Variants in TULP4 observed in about 807,000 individuals in gnomAD.
The protein encoded by TULP4 is TUB like protein 4.
A neutral mutation model predicts 129.0 loss-of-function variants in TULP4; 16 were observed. The ratio of observed to expected loss-of-function variants is 0.12; its 90% CI spans 0.08 to 0.19. TULP4 has a LOEUF of 0.19. Among genes scored for constraint, TULP4 ranks in the 10% least tolerant of loss-of-function variants. TULP4 has a pLI of 1.00. For missense variants in TULP4, 1,842 were observed against 2,059.1 expected (o/e 0.89, Z 2.04); for synonymous variants, 998 against 854.0 (o/e 1.17, Z -2.94).
chr6:158,501,997 G>T lies in TULP4; in HGVS notation c.2334G>T (p.Pro778=). 6.2e-7 allele frequency: 1 copy of T among 1,606,040 alleles called. No homozygotes were observed. The highest frequency in any genetic ancestry group is 8.5e-7 in the Non-Finnish European group (1 of 1,177,534). The part of the protein sequence containing the change: ...QNPPPLSLPP[P]PQGPMQLSTV... ...CCCCTCCACTGTCCCTGCCTCCCCC[G>T]CCGCAGGGGCCCATGCAGCTGTCCA... is the stretch of plus-strand genomic sequence containing the variant. Residue 778 remains proline, a synonymous_variant, in exon 13 of 14, where the codon CCG becomes CCT. Transcript: ENST00000367097.
At chr6:158,377,709 A>G (rs1354667274) in intron 1 of TULP4, among the ~76,000 whole-genome samples, 1 of 152,180 alleles carries the variant, frequency 6.6e-6, no homozygotes, top group Admixed American at 6.5e-5. Context: ...GGAACAAGAC[A>G]TTTATTGAGG....
intron 1 of TULP4, among the ~76,000 whole-genome samples, chr6:158,366,144 C>G (rs2114856905): frequency 6.6e-6 from 1 of 152,130 alleles, no homozygotes; most frequent in Non-Finnish European, 1.5e-5. Context: ...ATGTCGTGAT[C>G]TGCCCACCTT....
chr6:158,279,669 C>T (rs1778713639), upstream of TULP4, among the ~76,000 whole-genome samples: 1 of 152,192 alleles, frequency 6.6e-6, no homozygotes, highest in South Asian at 2.1e-4. Flanking sequence ...CTCTCTCTCC[C>T]AGGCCAGCCA....
chr6:158,294,494 A>C (rs1283887366), intron 1 of TULP4, among the ~76,000 whole-genome samples: 1 of 152,130 alleles, frequency 6.6e-6, no homozygotes, highest in Non-Finnish European at 1.5e-5. Flanking sequence ...GGGTGTGGAG[A>C]GGAGGAAAAG....
intron 1 of TULP4, among the ~76,000 whole-genome samples, chr6:158,354,015 G>T (rs949597791): frequency 1.3e-5 from 2 of 152,184 alleles, no homozygotes; most frequent in African/African-American, 4.8e-5. Context: ...GAGCAATTTT[G>T]TTGACACAGG....
rs1388649023 is a variant in TULP4, at chr6:158,331,720, C to CGTATATATACGTGTATATAT, written c.252+17452_252+17453insGTATATATACGTGTATATAT. 3.5e-4 allele frequency among the ~76,000 whole-genome samples: 17 copies of CGTATATATACGTGTATATAT among 48,180 alleles called. 5 individuals carry two copies. Among genetic ancestry groups the CGTATATATACGTGTATATAT allele is most frequent in the African/African-American group, 1.1e-3 (17 of 15,012 alleles). 31.6% of individuals were successfully genotyped at this position (48,180 alleles called of 152,430 possible). A position where few individuals can be genotyped will look rare whatever the true frequency, so the allele number is the denominator to read the frequency against. On this transcript the variant is annotated intron_variant, in intron 1 of 13. Coordinates refer to ENST00000367097, the MANE Select transcript of TULP4 (RefSeq NM_020245.5). ...ACACACACACACACACACACACACA[C>CGTATATATACGTGTATATAT]ACACACACATACGTATATATATACG...
intron 1 of TULP4, among the ~76,000 whole-genome samples, chr6:158,365,180 C>G (rs1328379819): frequency 6.6e-6 from 1 of 151,960 alleles, no homozygotes; most frequent in African/African-American, 2.4e-5. Flanking sequence ...TCTGGAAATC[C>G]TACTAGATGT....
chr6:158,381,912 G>GT (rs1468700273), intron 1 of TULP4, among the ~76,000 whole-genome samples: 1 of 152,048 alleles, frequency 6.6e-6, no homozygotes, highest in African/African-American at 2.4e-5. Flanking sequence ...AGTTGTTATT[G>GT]TTTTTTTGTT....
chr6:158,305,251 G>A (rs1779197583), intron 1 of TULP4, among the ~76,000 whole-genome samples: 1 of 151,736 alleles, frequency 6.6e-6, no homozygotes, highest in Non-Finnish European at 1.5e-5. Flanking sequence ...AATGTCCTCA[G>A]AGTTCATCCG....
intron 2 of TULP4, among the ~76,000 whole-genome samples, chr6:158,421,916 C>T (rs936349030): frequency 6.6e-6 from 1 of 152,048 alleles, no homozygotes; most frequent in African/African-American, 2.4e-5. Flanking sequence ...GGAATTTGGG[C>T]AAGGTAAAAG....
At chr6:158,444,330 A>AT (rs1231262390) in intron 3 of TULP4, among the ~76,000 whole-genome samples, 1 of 120,314 alleles carries the variant, frequency 8.3e-6, no homozygotes, top group East Asian at 2.7e-4. Flanking sequence ...CATCATGGCT[A>AT]TTTTTTCATT....
intron 2 of TULP4, among the ~76,000 whole-genome samples, chr6:158,426,854 A>G (rs1206141458): frequency 2.0e-5 from 3 of 152,192 alleles, no homozygotes; most frequent in Admixed American, 6.5e-5. Flanking sequence ...ATCCGTGAGC[A>G]TGTAGTATGT....
chr6:158,366,105 A>G (rs827995), intron 1 of TULP4, among the ~76,000 whole-genome samples: 23,601 of 151,176 alleles, frequency 0.16, 2,316 homozygotes, highest in South Asian at 0.29. Flanking sequence ...GGGTTTCACC[A>G]TGTTAGCCAG....
intron 1 of TULP4, among the ~76,000 whole-genome samples, chr6:158,260,851 G>A (rs1477296039): frequency 2.0e-5 from 3 of 150,632 alleles, no homozygotes; most frequent in East Asian, 2.0e-4. Context: ...CAAGAGTTTC[G>A]CTCTTGTTGC....
intron 1 of TULP4, among the ~76,000 whole-genome samples, chr6:158,288,922 G>T (rs140262726): frequency 2.0e-5 from 3 of 152,166 alleles, no homozygotes; most frequent in African/African-American, 4.8e-5. Context: ...TAGACAAACA[G>T]ATTTTCTAAT....
Position 158,479,911 on chromosome 6 carries a change from G to A in TULP4, c.1187G>A (p.Ser396Asn). 6.2e-7 allele frequency: 1 copy of A among 1,612,288 alleles called. No individual in the cohort carries two copies. The highest frequency in any genetic ancestry group is 8.5e-7 in the Non-Finnish European group (1 of 1,180,000). The part of the protein sequence containing the change: ...ASTLREDKDV[S>N]KLTLPPRLCS... ...ACCTTGCGTGAGGACAAGGACGTCA[G>A]CAAGCTGACTCTGCCCCCCCGCCTC... Residue 396 changes from serine (S) to asparagine (N), a missense_variant, in exon 7 of 14, where the codon AGC (serine) becomes AAC (asparagine). This residue lies in a region of TULP4 where 456 missense variants were observed against 534.3 expected (regional missense o/e 0.85). Coordinates refer to ENST00000367097, the MANE Select transcript of TULP4 (RefSeq NM_020245.5).
At chr6:158,257,638 T>C (rs961456256) in intron 1 of TULP4, among the ~76,000 whole-genome samples, 1 of 152,228 alleles carries the variant, frequency 6.6e-6, no homozygotes, top group South Asian at 2.1e-4. Flanking sequence ...TTTACTTCTT[T>C]CCTGTAGGAG....
intron 1 of TULP4, among the ~76,000 whole-genome samples, chr6:158,266,564 C>T (rs1166986949): frequency 6.6e-6 from 1 of 152,120 alleles, no homozygotes; most frequent in Non-Finnish European, 1.5e-5. Flanking sequence ...CTAAAATGTA[C>T]CATTTTAACC....
intron 1 of TULP4, among the ~76,000 whole-genome samples, chr6:158,288,961 T>C (rs1778879985): frequency 6.6e-6 from 1 of 152,238 alleles, no homozygotes; most frequent in Non-Finnish European, 1.5e-5. Context: ...GTGGCTATTA[T>C]CACTTTTTAA....
Sources: allele counts gnomAD v4.1 joint callset (sites outside exome capture counted in the v4.1 genomes callset), GRCh38; gene constraint gnomAD v4.1.1; regional missense constraint gnomAD v4.1.1; transcripts MANE v1.5; gene names NCBI Gene and HGNC (gene_info 2026-07-23, HGNC 2026-07-21).